The following GMDS variants were observed in gnomAD, a reference collection of about 807,000 sequenced individuals.
GMDS encodes the protein GDP-mannose 4,6 dehydratase.
Under a neutral mutation model 49.9 loss-of-function variants are expected in GMDS, and 20 were observed. That is an observed-to-expected ratio of 0.40 (90% confidence interval 0.28 to 0.58). The LOEUF is 0.58. Among genes scored for constraint, GMDS ranks in the 20% least tolerant of loss-of-function variants. GMDS has a pLI of 0.42. For synonymous variants in GMDS, 177 were observed against 178.6 expected, an observed-to-expected ratio of 0.99 and a Z score of 0.07; for missense variants, 362 against 481.4, an observed-to-expected ratio of 0.75 and a Z score of 2.32.
chr6:1,676,920 A>G (rs980502156), intron 9 of GMDS, among the ~76,000 whole-genome samples: 17 of 152,250 alleles, frequency 1.1e-4, no homozygotes, highest in African/African-American at 3.4e-4. Context: ...ACAAAAGCCA[A>G]AATAGACAAA....
chr6:1,880,487 A>G (rs536001330), intron 7 of GMDS, among the ~76,000 whole-genome samples: 10 of 152,050 alleles, frequency 6.6e-5, no homozygotes, highest in Non-Finnish European at 1.5e-4. Context: ...AATTTTTAAA[A>G]ATGTAAGTGA....
At chr6:1,844,244 G>A (rs2113752764) in intron 7 of GMDS, among the ~76,000 whole-genome samples, 1 of 151,964 alleles carries the variant, frequency 6.6e-6, no homozygotes, top group East Asian at 1.9e-4. Context: ...TTCCTAGTGT[G>A]GTATATTACC....
chr6:2,221,490 A>G (rs1306277942), intron 1 of GMDS, among the ~76,000 whole-genome samples: 3 of 151,780 alleles, frequency 2.0e-5, no homozygotes, highest in African/African-American at 7.3e-5. Context: ...CCGGGTTCAC[A>G]CCATTCTCCT....
At position 1,624,096 on chromosome 6, in the gene GMDS, C is replaced by T; in HGVS notation, c.*73G>A. On this transcript the variant is annotated 3_prime_UTR_variant, in exon 11 of 11. Coordinates refer to ENST00000380815, the MANE Select transcript of GMDS (RefSeq NM_001500.4). Reference sequence around the variant, plus strand: ...CGCAGATTGGCACGCCGCTCCCCATCCCCGCAGCGCGTCTGCACCGGAGAC... The same window carrying T: ...CGCAGATTGGCACGCCGCTCCCCATTCCCGCAGCGCGTCTGCACCGGAGAC... 1.5e-6 allele frequency: 2 copies of T among 1,368,860 alleles called. No homozygotes were observed. Among genetic ancestry groups the T allele is most frequent in the Non-Finnish European group, 2.1e-6 (2 of 974,532 alleles). The allele number at this position is 1,368,860 out of a possible 1,614,324, so 84.8% of individuals were successfully genotyped here.
chr6:1,707,529 C>G (rs1765781318), intron 9 of GMDS, among the ~76,000 whole-genome samples: 1 of 151,332 alleles, frequency 6.6e-6, no homozygotes, highest in Non-Finnish European at 1.5e-5. Flanking sequence ...AGGTGGGCTC[C>G]CCACCTTCCT....
intron 4 of GMDS, among the ~76,000 whole-genome samples, chr6:1,972,715 T>C (rs752611783): frequency 6.6e-6 from 1 of 152,206 alleles, no homozygotes; most frequent in Non-Finnish European, 1.5e-5. Context: ...TTTCCATCAA[T>C]AGGGACAACA....
In GMDS at chr6:1,649,150, G is replaced by A. The variant is rs145998759; in HGVS notation, c.988-24610C>T. ...AGGGTTCATGGGGCAGGAATGACAC[G>A]TTAACCCTGTCTAGCCACTGGGGGT... On this transcript the variant is annotated intron_variant, in intron 9 of 10. Transcript: ENST00000380815. Among the ~76,000 whole-genome samples, 31 of 152,332 alleles carry A rather than the reference G, an allele frequency of 2.0e-4. No homozygotes were observed. The East Asian group carries it at 4.6e-3, about 23-fold the overall frequency.
chr6:1,706,163 T>A (rs1005902985), intron 9 of GMDS, among the ~76,000 whole-genome samples: 3 of 152,158 alleles, frequency 2.0e-5, no homozygotes, highest in Non-Finnish European at 4.4e-5. Flanking sequence ...CAAGGGTTGT[T>A]ATGGTTTTGT....
intron 1 of GMDS, among the ~76,000 whole-genome samples, chr6:2,134,053 G>A (rs569487587): frequency 5.9e-5 from 9 of 152,306 alleles, no homozygotes; most frequent in East Asian, 5.8e-4. Flanking sequence ...TGTGGTGGGC[G>A]TGGAGGAATC....
intron 4 of GMDS, among the ~76,000 whole-genome samples, chr6:2,008,595 G>A (rs1767349851): frequency 6.6e-6 from 1 of 152,082 alleles, no homozygotes; most frequent in Non-Finnish European, 1.5e-5. Flanking sequence ...CTATATTGCT[G>A]GGCAAAAAGA....
intron 1 of GMDS, among the ~76,000 whole-genome samples, chr6:2,135,136 G>A (rs868626595): frequency 1.3e-5 from 2 of 152,008 alleles, no homozygotes; most frequent in African/African-American, 2.4e-5. Context: ...AAATAAAAAC[G>A]TTTCAACCAA....
chr6:1,924,052 C>T (rs962021783), intron 7 of GMDS, among the ~76,000 whole-genome samples: 4 of 152,158 alleles, frequency 2.6e-5, no homozygotes, highest in Admixed American at 6.5e-5. Context: ...CCAAACACAC[C>T]CTTTACTTCT....
chr6:2,232,156 G>T (rs202142189), intron 1 of GMDS, among the ~76,000 whole-genome samples: 1 of 148,944 alleles, frequency 6.7e-6, no homozygotes, highest in Non-Finnish European at 1.5e-5. Context: ...TGTAAAACGG[G>T]TTTTTTTTTT....
chr6:2,120,509 C>T (rs936975321), intron 2 of GMDS, among the ~76,000 whole-genome samples: 33 of 152,152 alleles, frequency 2.2e-4, no homozygotes, highest in Admixed American at 7.9e-4. Flanking sequence ...TATGCTGATA[C>T]TTCATGTCAC....
At chr6:1,927,023 A>G (rs9503050) in intron 7 of GMDS, among the ~76,000 whole-genome samples, 3,060 of 52,680 alleles carry the variant, frequency 0.058, 22 homozygotes, top group Middle Eastern at 0.094. Flanking sequence ...TAGCGTGTTG[A>G]TGTATTTTTA....
intron 9 of GMDS, among the ~76,000 whole-genome samples, chr6:1,668,728 A>AC (rs1449996464): frequency 2.0e-5 from 3 of 152,198 alleles, no homozygotes; most frequent in South Asian, 2.1e-4. Context: ...AAACAAACAA[A>AC]AAAAACCACT....
intron 1 of GMDS, among the ~76,000 whole-genome samples, chr6:2,141,277 C>T (rs1289737323): frequency 6.6e-6 from 1 of 152,096 alleles, no homozygotes; most frequent in African/African-American, 2.4e-5. Context: ...ATCAGGCTGC[C>T]ACAGGAGAAG....
chr6:1,647,731 G>C (rs1251097675), intron 9 of GMDS, among the ~76,000 whole-genome samples: 2 of 152,180 alleles, frequency 1.3e-5, no homozygotes, highest in African/African-American at 4.8e-5. Context: ...TGGAGAGAAG[G>C]AGTCATCTGG....
chr6:1,988,557 C>T (rs1403929377), intron 4 of GMDS, among the ~76,000 whole-genome samples: 2 of 152,014 alleles, frequency 1.3e-5, no homozygotes, highest in African/African-American at 2.4e-5. Flanking sequence ...ACGTTCTTCC[C>T]GGTAGAATAA....
Sources: gnomAD v4.1 joint callset for allele counts (sites outside exome capture counted in the v4.1 genomes callset) on GRCh38, gnomAD v4.1.1 for gene constraint, MANE v1.5 for transcripts, NCBI Gene and HGNC (gene_info 2026-07-23, HGNC 2026-07-21) for gene names.